The following NBAS variants were observed in gnomAD, a reference collection of about 807,000 sequenced individuals.
The protein encoded by NBAS is NAG/BC035112 fusion.
Under a neutral mutation model 302.5 loss-of-function variants are expected in NBAS, and 219 were observed. That is an observed-to-expected ratio of 0.72 (90% CI 0.65 to 0.81). NBAS has a LOEUF of 0.81. NBAS is among the 30% of genes least tolerant of loss of function. The pLI, the probability that NBAS is intolerant of heterozygous loss-of-function variation, is 0.00. For missense variants in NBAS, 2,932 were observed against 2,841.6 expected, an observed-to-expected ratio of 1.03 and a Z score of -0.72; for synonymous variants, 1,118 against 1,021.6, an observed-to-expected ratio of 1.09 and a Z score of -1.80.
At chr2:15,379,542 G>A in intron 30 of NBAS, 60 bp downstream of exon 30, 2 of 1,467,718 alleles carry the variant, frequency 1.4e-6, no homozygotes, top group South Asian at 2.3e-5. Context: ...GAATAACAAT[G>A]CAGTTTGTAC....
chr2:15,089,135 C>G, the NBAS span, among the ~76,000 whole-genome samples: 19 of 152,136 alleles, frequency 1.2e-4, no homozygotes, highest in Non-Finnish European at 2.6e-4. Flanking sequence ...TTTTGTAACA[C>G]TTCATGAATT....
the NBAS span, among the ~76,000 whole-genome samples, chr2:15,128,607 G>A: frequency 6.6e-6 from 1 of 152,158 alleles, no homozygotes; most frequent in African/African-American, 2.4e-5. Context: ...TTATGGAAAG[G>A]GGAACATTAT....
the NBAS span, among the ~76,000 whole-genome samples, chr2:15,157,592 G>A: frequency 2.7e-4 from 41 of 152,064 alleles, no homozygotes; most frequent in Non-Finnish European, 4.7e-4. Flanking sequence ...AAGTTCAACC[G>A]GTTCCTTTTT....
chr2:15,324,939 G>A (rs1377640494), intron 38 of NBAS, among the ~76,000 whole-genome samples: 2 of 152,084 alleles, frequency 1.3e-5, no homozygotes, highest in Admixed American at 1.3e-4. Flanking sequence ...TATGAAAACA[G>A]GAGGCCGACT....
At chr2:15,376,547 A>G (rs1674749507) in intron 30 of NBAS, among the ~76,000 whole-genome samples, 1 of 152,206 alleles carries the variant, frequency 6.6e-6, no homozygotes, top group South Asian at 2.1e-4. Flanking sequence ...TGTCAAGTTC[A>G]ATAACATGGT....
At chr2:14,988,758 C>G in the NBAS span, among the ~76,000 whole-genome samples, 2 of 152,084 alleles carry the variant, frequency 1.3e-5, no homozygotes, top group East Asian at 3.9e-4. Context: ...AAGTTTCTGC[C>G]TATTAAGTAA....
chr2:15,468,440 A>G lies in NBAS; in HGVS notation c.1819T>C (p.Leu607=), dbSNP rs141793099. 3.7e-6 allele frequency: 6 copies of G among 1,613,940 alleles called. No individual in the cohort carries two copies. The African/African-American group carries it at 8.0e-5, about 22-fold the overall frequency. ...DAAKELLQYG[L]KGTDLEALLA... is the part of the protein sequence containing the mutation. ...AGAGCCTCCAGGTCTGTGCCTTTTA[A>G]TCCATACTGAAGCAGTTCTTTTGCA... Residue 607 remains leucine (L), a synonymous_variant, in exon 17 of 52, where the codon TTA becomes CTA. Transcript: ENST00000281513.
Position 15,539,211 on chromosome 2 carries a change from C to T in NBAS, c.513+12G>A, listed in dbSNP as rs1161090883. ...GAAAAAACTATGTTTTCAATTTAAGCTATGTACATACCGGGGAAATGACAA... is the reference window on the plus strand; with the variant it reads ...GAAAAAACTATGTTTTCAATTTAAGTTATGTACATACCGGGGAAATGACAA... On this transcript the variant is annotated intron_variant, in intron 7 of 51. Coordinates refer to ENST00000281513, the MANE Select transcript of NBAS (RefSeq NM_015909.4). 2.5e-6 allele frequency: 4 copies of T among 1,614,030 alleles called. No homozygotes were observed. Among genetic ancestry groups the T allele is most frequent in the Non-Finnish European group, 3.4e-6 (4 of 1,180,016 alleles).
chr2:15,134,835 A>G, the NBAS span, among the ~76,000 whole-genome samples: 7 of 152,224 alleles, frequency 4.6e-5, no homozygotes, highest in East Asian at 5.8e-4. Context: ...GAGAATTTGC[A>G]TGATACACGC....
the NBAS span, among the ~76,000 whole-genome samples, chr2:15,008,408 T>C: frequency 6.6e-6 from 1 of 152,216 alleles, no homozygotes. Context: ...CTGATGCCAA[T>C]CCAAGTCTGT....
the NBAS span, among the ~76,000 whole-genome samples, chr2:14,816,655 C>T: frequency 2.0e-5 from 3 of 152,168 alleles, no homozygotes; most frequent in African/African-American, 2.4e-5. Context: ...ACTATTCATT[C>T]GTAAAGATTC....
chr2:15,450,801 G>C (rs1678968543), intron 21 of NBAS, among the ~76,000 whole-genome samples: 2 of 151,760 alleles, frequency 1.3e-5, no homozygotes, highest in South Asian at 4.2e-4. Flanking sequence ...TTCAGCATCA[G>C]GTTCATTTTT....
At chr2:15,268,953 G>A (rs1257628831) in intron 44 of NBAS, among the ~76,000 whole-genome samples, 1 of 152,220 alleles carries the variant, frequency 6.6e-6, no homozygotes, top group African/African-American at 2.4e-5. Context: ...AATTCAGGGA[G>A]AAGCACGCAG....
intron 51 of NBAS, among the ~76,000 whole-genome samples, chr2:15,167,917 A>C (rs1426936675): frequency 1.3e-5 from 2 of 152,200 alleles, no homozygotes; most frequent in Non-Finnish European, 2.9e-5. Context: ...CCTCAAGCCC[A>C]CTGATACGAG....
At chr2:15,473,494 T>A (rs75154098) in intron 15 of NBAS, 147 bp from the exon 16 acceptor site, 89 of 1,020,998 alleles carry the variant, frequency 8.7e-5, no homozygotes, top group Non-Finnish European at 1.3e-4. Flanking sequence ...AGCTCACAGA[T>A]ATTTTGAGGA....
intron 35 of NBAS, among the ~76,000 whole-genome samples, chr2:15,336,138 A>G (rs1378598915): frequency 2.6e-5 from 4 of 152,082 alleles, no homozygotes; most frequent in Admixed American, 1.3e-4. Flanking sequence ...GATCAAAAAG[A>G]TGTTCTAAGT....
the NBAS span, among the ~76,000 whole-genome samples, chr2:15,152,337 T>C: frequency 1.2e-4 from 18 of 152,248 alleles, no homozygotes; most frequent in African/African-American, 4.3e-4. Flanking sequence ...ATTGAGATGC[T>C]GACCAAAATG....
At chr2:15,190,868 C>T (rs528939978) in intron 48 of NBAS, among the ~76,000 whole-genome samples, 1 of 152,150 alleles carries the variant, frequency 6.6e-6, no homozygotes, top group African/African-American at 2.4e-5. Flanking sequence ...TAAAGTGTAT[C>T]TGTCATAGAA....
rs906460176 is a variant in NBAS, at chr2:15,394,788, C to T, written c.3135-439G>A. Reference sequence around the variant, plus strand: ...AGTTAGACGACTGGAAATCATCAGGCTCATTCTCTGTCAAGAATCCATTTT... The same window carrying T: ...AGTTAGACGACTGGAAATCATCAGGTTCATTCTCTGTCAAGAATCCATTTT... On this transcript the variant is annotated intron_variant, in intron 27 of 51. Transcript: ENST00000281513. Among the ~76,000 whole-genome samples the T allele has an allele frequency of 5.3e-5, 8 of 152,156 alleles. No homozygotes were observed. In the East Asian group the frequency reaches 9.7e-4, roughly 18 times the overall value.
Sources: allele counts gnomAD v4.1 joint callset (sites outside exome capture counted in the v4.1 genomes callset), GRCh38; gene constraint gnomAD v4.1.1; transcripts MANE v1.5; gene names NCBI Gene and HGNC (gene_info 2026-07-23, HGNC 2026-07-21).